The following SCRN1 variants were observed in gnomAD, a reference collection of about 807,000 sequenced individuals.
The protein encoded by SCRN1 is secernin 1.
SCRN1 carries 19 observed loss-of-function variants against 43.3 expected under a neutral mutation model. The ratio of observed to expected loss-of-function variants is 0.44; its 90% CI spans 0.31 to 0.64. The LOEUF (loss-of-function observed/expected upper bound fraction) is 0.64. Ranked by LOEUF, SCRN1 falls within the 30% of genes least tolerant of loss-of-function variation. SCRN1 has a pLI of 0.09. For missense variants in SCRN1, 447 were observed against 524.1 expected (o/e 0.85, Z 1.44); for synonymous variants, 183 against 188.9 (o/e 0.97, Z 0.26).
At chr7:29,982,840 C>G (rs1235131647) in intron 1 of SCRN1, among the ~76,000 whole-genome samples, 1 of 149,776 alleles carries the variant, frequency 6.7e-6, no homozygotes, top group Non-Finnish European at 1.5e-5. Flanking sequence ...CAAGAAGTGT[C>G]TCTTCATTTT....
At position 29,923,883 on chromosome 7, in the gene SCRN1, G is replaced by A; in HGVS notation, c.*74C>T. ...TAACTTTCTCATTTTACTCAAACAG[G>A]AGAGTGGTTTGTTTTGCTGGTAATT... is the stretch of plus-strand genomic sequence containing the variant. On this transcript the variant is annotated 3_prime_UTR_variant, in exon 8 of 8. Transcript: ENST00000242059. 6.8e-7 allele frequency: 1 copy of A among 1,466,224 alleles called. No individual in the cohort carries two copies. Among genetic ancestry groups the A allele is most frequent in the Non-Finnish European group, 9.2e-7 (1 of 1,081,448 alleles). 90.8% of individuals were successfully genotyped at this position (1,466,224 alleles called of 1,614,324 possible).
chr7:29,942,025 C>T (rs1583662072), intron 4 of SCRN1, among the ~76,000 whole-genome samples: 1 of 152,354 alleles, frequency 6.6e-6, no homozygotes, highest in East Asian at 1.9e-4. Flanking sequence ...CTGATTTACA[C>T]TTCTGAAATA....
At position 29,950,069 on chromosome 7, in the gene SCRN1, G is replaced by A. The variant is rs1334047950; in HGVS notation, c.341+5110C>T. 6.6e-6 allele frequency among the ~76,000 whole-genome samples: 1 copy of A among 152,164 alleles called. No homozygotes were observed. Among genetic ancestry groups the A allele is most frequent in the Non-Finnish European group, 1.5e-5 (1 of 68,032 alleles). ...CACCCCCTACCAAGTTGGCAGGGTG[G>A]GAGCCCCATGCTCCCAGGCACAGCT... On this transcript the variant is annotated intron_variant, in intron 3 of 7. Transcript: ENST00000242059. This position sits in a 1 kb window ranked among gnomAD's most constrained non-coding sequence, Gnocchi z 4.5.
chr7:29,944,254 G>T, intron 3 of SCRN1, 75 bp from the exon 4 acceptor site: 1 of 1,372,246 alleles, frequency 7.3e-7, no homozygotes. Context: ...CCAAAGACTG[G>T]GCAAGGCCGA....
intron 6 of SCRN1, 31 bp from the exon 7 acceptor site, chr7:29,926,663 G>A (rs746461928): frequency 1.3e-6 from 2 of 1,599,918 alleles, no homozygotes; most frequent in Non-Finnish European, 1.7e-6. Flanking sequence ...CTTCAGCCAG[G>A]CAGAGGCTGG....
At chr7:29,987,282 G>A (rs1183173767) in intron 1 of SCRN1, among the ~76,000 whole-genome samples, 2 of 152,172 alleles carry the variant, frequency 1.3e-5, no homozygotes, top group African/African-American at 4.8e-5. Context: ...TAAGGTCACT[G>A]ACTCATGACT....
chr7:29,955,126 C>T, intron 3 of SCRN1, 53 bp downstream of exon 3: 1 of 1,498,852 alleles, frequency 6.7e-7, no homozygotes, highest in Non-Finnish European at 9.2e-7. Context: ...TAAATCCTGT[C>T]CCCATTTCCA....
At chr7:29,961,058 CT>C (rs200892857) in intron 2 of SCRN1, among the ~76,000 whole-genome samples, 13,435 of 131,556 alleles carry the variant, frequency 0.1, 986 homozygotes, top group African/African-American at 0.21. Context: ...GATCTTATTT[CT>C]TTTTTTTTTT....
At chr7:29,989,804 G>A (rs929478065), upstream of SCRN1, 24 of 989,218 alleles carry the variant, frequency 2.4e-5, no homozygotes, top group South Asian at 4.7e-5. Context: ...CCAGACTCCC[G>A]GCGCTGGGGC....
chr7:29,958,975 G>A (rs1220447529), intron 2 of SCRN1, among the ~76,000 whole-genome samples: 4 of 152,148 alleles, frequency 2.6e-5, no homozygotes, highest in Non-Finnish European at 5.9e-5. Flanking sequence ...CATGAGCCTC[G>A]AAAAGAACCT....
chr7:29,945,231 A>T (rs1272041963), intron 3 of SCRN1, among the ~76,000 whole-genome samples: 4 of 152,094 alleles, frequency 2.6e-5, no homozygotes, highest in Non-Finnish European at 4.4e-5. Context: ...GAGGGCACTG[A>T]TATGGTTTGG....
intron 6 of SCRN1, among the ~76,000 whole-genome samples, chr7:29,935,907 TAG>T (rs1247620117): frequency 6.6e-6 from 1 of 152,178 alleles, no homozygotes; most frequent in African/African-American, 2.4e-5. Context: ...AACTGAAGCT[TAG>T]AGAGGTGAAA....
At chr7:29,960,720 A>T (rs1320713033) in intron 2 of SCRN1, among the ~76,000 whole-genome samples, 3 of 151,468 alleles carry the variant, frequency 2.0e-5, no homozygotes, top group Non-Finnish European at 4.4e-5. Flanking sequence ...ACACACATCC[A>T]CACACACACA....
chr7:29,973,412 C>T (rs1788721486), intron 1 of SCRN1, among the ~76,000 whole-genome samples: 1 of 152,130 alleles, frequency 6.6e-6, no homozygotes. Flanking sequence ...CTTTCTATTC[C>T]ACAAAAGACA....
intron 2 of SCRN1, among the ~76,000 whole-genome samples, chr7:29,955,764 G>A (rs966836115): frequency 6.6e-6 from 1 of 152,230 alleles, no homozygotes; most frequent in African/African-American, 2.4e-5. Context: ...AGGTAAAAGG[G>A]AAGATCTTTG....
At chr7:29,938,006 G>A (rs1314429839) in intron 5 of SCRN1, among the ~76,000 whole-genome samples, 3 of 152,002 alleles carry the variant, frequency 2.0e-5, no homozygotes, top group Non-Finnish European at 2.9e-5. Context: ...AATTGGAAAC[G>A]TCTCTGCCTC....
intron 1 of SCRN1, among the ~76,000 whole-genome samples, chr7:29,980,921 GGATA>G (rs1156505637): frequency 1.3e-5 from 2 of 152,230 alleles, no homozygotes; most frequent in South Asian, 2.1e-4. Flanking sequence ...ATAGATGGAT[GGATA>G]GATAGATTTT....
At chr7:29,926,791 G>A (rs1167012093) in intron 6 of SCRN1, among the ~76,000 whole-genome samples, 159 bp from the exon 7 acceptor site, 1 of 152,108 alleles carries the variant, frequency 6.6e-6, no homozygotes, top group Non-Finnish European at 1.5e-5. Context: ...AGACATAACT[G>A]CATGTTTTAG....
At chr7:29,989,081 G>C (rs1477919255) in intron 1 of SCRN1, 1 of 152,084 alleles carries the variant, frequency 6.6e-6, no homozygotes, top group East Asian at 1.9e-4. Flanking sequence ...CCCAGGGGCG[G>C]CCCGCGCGCG....
Sources: gnomAD v4.1 joint callset for allele counts (sites outside exome capture counted in the v4.1 genomes callset) on GRCh38, gnomAD v4.1.1 for gene constraint, Gnocchi (gnomAD v3.1) non-coding constraint, MANE v1.5 for transcripts, NCBI Gene and HGNC (gene_info 2026-07-23, HGNC 2026-07-21) for gene names.